C6orf89: variants seen among roughly 807,000 people sequenced by gnomAD.
C6orf89 encodes chromosome 6 open reading frame 89, also known as bombesin receptor-activated protein C6orf89.
In C6orf89, 29 loss-of-function variants were observed where a neutral mutation model predicts 40.7. The ratio of observed to expected loss-of-function variants is 0.71; its 90% CI spans 0.53 to 0.97. The LOEUF (loss-of-function observed/expected upper bound fraction) is 0.97. Ranked by LOEUF, C6orf89 falls within the 50% of genes least tolerant of loss-of-function variation. The pLI, the probability that C6orf89 is intolerant of heterozygous loss-of-function variation, is 0.00. For synonymous variants in C6orf89, 165 were observed against 152.2 expected (o/e 1.08, Z -0.62); for missense variants, 392 against 429.1 (o/e 0.91, Z 0.76).
intron 4 of C6orf89, among the ~76,000 whole-genome samples, chr6:36,910,941 G>GA (rs1762104147): frequency 6.6e-6 from 1 of 152,114 alleles, no homozygotes; most frequent in Non-Finnish European, 1.5e-5. Flanking sequence ...TTATGTATCT[G>GA]AAAATCTGTA....
chr6:36,888,354 G>A (rs12527905), intron 1 of C6orf89, among the ~76,000 whole-genome samples: 7,250 of 152,270 alleles, frequency 0.048, 263 homozygotes, highest in Admixed American at 0.084. Flanking sequence ...ATAAGTGGCC[G>A]AGTGCAGCGG....
chr6:36,912,561 T>C (rs999699385), intron 4 of C6orf89, among the ~76,000 whole-genome samples: 2 of 152,146 alleles, frequency 1.3e-5, no homozygotes, highest in Non-Finnish European at 2.9e-5. Context: ...AAAATGCAAC[T>C]TTGCAGCCTC....
At chr6:36,887,841 C>T (rs998186154) in intron 1 of C6orf89, among the ~76,000 whole-genome samples, 1 of 152,116 alleles carries the variant, frequency 6.6e-6, no homozygotes, top group African/African-American at 2.4e-5. Context: ...CCTCTGCTTC[C>T]CAAGTAGCTG....
rs564750856 is a variant in C6orf89 at position 36,918,626 on chromosome 6, G to C, written c.826-952G>C. 3.1e-3 allele frequency among the ~76,000 whole-genome samples: 467 copies of C among 152,274 alleles called. 2 individuals carry two copies. Among genetic ancestry groups the C allele is most frequent in the African/African-American group, 9.5e-3 (394 of 41,548 alleles). On this transcript the variant is annotated intron_variant, in intron 7 of 8. Coordinates refer to ENST00000480824, the MANE Select transcript of C6orf89 (RefSeq NM_001286635.2). Reference sequence around the variant, plus strand: ...ACATGGCCCAGGGAGTCAGACTTCTGGCTCCCACTTTATATGGGCATATAA... The same window carrying C: ...ACATGGCCCAGGGAGTCAGACTTCTCGCTCCCACTTTATATGGGCATATAA...
intron 1 of C6orf89, among the ~76,000 whole-genome samples, chr6:36,872,722 C>G (rs1470936675): frequency 6.6e-6 from 1 of 152,180 alleles, no homozygotes; most frequent in East Asian, 1.9e-4. Flanking sequence ...ATCCTCTCAC[C>G]TCAGCCTCCT....
At chr6:36,872,374 T>C (rs1774529912) in intron 1 of C6orf89, among the ~76,000 whole-genome samples, 1 of 152,164 alleles carries the variant, frequency 6.6e-6, no homozygotes, top group African/African-American at 2.4e-5. Flanking sequence ...GTATTTTTGA[T>C]CCATGTAAAT....
chr6:36,916,598 GA>G (rs35567953), intron 7 of C6orf89, 24 bp downstream of exon 7: 135,517 of 1,613,384 alleles, frequency 0.084, 6,109 homozygotes, highest in South Asian at 0.1. Context: ...AGAGGACTTG[GA>G]TCTAGAATTT....
At position 36,905,981 on chromosome 6, in the gene C6orf89, C is replaced by T. The variant is rs139643388; in HGVS notation, c.403+3547C>T. On this transcript the variant is annotated intron_variant, in intron 4 of 8. Coordinates refer to ENST00000480824, the MANE Select transcript of C6orf89 (RefSeq NM_001286635.2). Reference sequence around the variant, plus strand: ...CTGCCATCTCTGCCCTCAGTCAAGCCAGGCGCTAGCATGTTCAGCCAATTA... The same window carrying T: ...CTGCCATCTCTGCCCTCAGTCAAGCTAGGCGCTAGCATGTTCAGCCAATTA... 2.4e-3 allele frequency among the ~76,000 whole-genome samples: 366 copies of T among 152,342 alleles called. 1 individual carries two copies. Among genetic ancestry groups the T allele is most frequent in the African/African-American group, 8.5e-3 (354 of 41,582 alleles).
At chr6:36,905,312 C>T (rs920958060) in intron 4 of C6orf89, among the ~76,000 whole-genome samples, 1 of 152,168 alleles carries the variant, frequency 6.6e-6, no homozygotes, top group African/African-American at 2.4e-5. Context: ...AGTCTGAGCC[C>T]TTCGCCTCTG....
intron 7 of C6orf89, 115 bp from the exon 8 acceptor site, chr6:36,919,463 G>A: frequency 7.9e-7 from 1 of 1,273,700 alleles, no homozygotes; most frequent in Non-Finnish European, 1.1e-6. Context: ...TTTCCTCTTT[G>A]CTTATGCTAG....
intron 7 of C6orf89, 91 bp from the exon 8 acceptor site, chr6:36,919,487 A>G: frequency 6.8e-7 from 1 of 1,465,052 alleles, no homozygotes; most frequent in African/African-American, 1.4e-5. Flanking sequence ...ACTCAGAGCC[A>G]TATGTGAAAG....
Position 36,925,257 on chromosome 6 carries a change from G to A in C6orf89, c.*1816G>A, listed in dbSNP as rs972923174. 1.3e-5 allele frequency: 2 copies of A among 152,204 alleles called. No homozygotes were observed. 9.4% of individuals were successfully genotyped at this position (152,204 alleles called of 1,614,324 possible). ...CTGGCTGTACATGGGGAAGGGCTAT[G>A]TGTAAACAAGTGCTTTAGAGGCCTC... is the stretch of plus-strand genomic sequence containing the variant. On this transcript the variant is annotated 3_prime_UTR_variant, in exon 9 of 9. Coordinates refer to ENST00000480824, the MANE Select transcript of C6orf89 (RefSeq NM_001286635.2).
rs942449983 is a variant in C6orf89, at chr6:36,902,273, C to T, written c.242C>T (p.Pro81Leu). ...CTCACTGCCTACTTTGTGATTCAAC[C>T]TTTCAGCCCATTAGCACCTGAGCCA... ...ILLTAYFVIQ[P>L]FSPLAPEPVL... Residue 81 changes from proline to leucine, a missense_variant, in exon 4 of 9, where the codon CCT becomes CTT. Physicochemically the swap from Pro to Leu is moderately conservative, Grantham distance 98. Transcript: ENST00000480824. 6.2e-7 allele frequency: 1 copy of T among 1,614,148 alleles called. No homozygotes were observed. Among genetic ancestry groups the T allele is most frequent in the Non-Finnish European group, 8.5e-7 (1 of 1,180,034 alleles).
chr6:36,871,987 T>C lies in C6orf89; in HGVS notation c.-628+20T>C, dbSNP rs569356508. 2.0e-5 allele frequency: 19 copies of C among 973,044 alleles called. No homozygotes were observed. The East Asian group carries it at 3.5e-4, about 18-fold the overall frequency. 60.3% of individuals were successfully genotyped at this position (973,044 alleles called of 1,614,324 possible). A position where few individuals can be genotyped will look rare whatever the true frequency, so the allele number is the denominator to read the frequency against. ...AAGCTTGTAAGTCATGAAATTGTGA[T>C]AACCACTGGATTTCATGCTCAGCAA... On this transcript the variant is annotated intron_variant, in intron 1 of 9. Coordinates refer to the C6orf89 transcript ENST00000359359.
rs916850132 is a variant in C6orf89 at position 36,874,597 on chromosome 6, G to T, written c.-628+2630G>T. On this transcript the variant is annotated intron_variant, in intron 1 of 9. Coordinates refer to the C6orf89 transcript ENST00000359359. ...CCCTCTGGGGGCCGTCTCGGCCGCT[G>T]CTCCACGCCCCTCCACGTGGAGGCC... 5 of 1,353,202 alleles carry T rather than the reference G, an allele frequency of 3.7e-6. No individual in the cohort carries two copies. The African/African-American group carries it at 4.4e-5, about 12-fold the overall frequency. 83.8% of individuals were successfully genotyped at this position (1,353,202 alleles called of 1,614,324 possible).
chr6:36,872,634 G>C (rs898987233), intron 1 of C6orf89, among the ~76,000 whole-genome samples: 1 of 151,586 alleles, frequency 6.6e-6, no homozygotes, highest in East Asian at 1.9e-4. Context: ...TTTGAGAAAG[G>C]GTCTCCTCTG....
upstream of C6orf89, chr6:36,883,227 GAA>G (rs1415508568): frequency 6.6e-6 from 1 of 152,186 alleles, no homozygotes; most frequent in African/African-American, 2.4e-5. Context: ...CAGAGAAAGA[GAA>G]AGACTGTCCT....
chr6:36,901,335 T>A (rs1015349088), intron 3 of C6orf89, among the ~76,000 whole-genome samples: 5,561 of 58,940 alleles, frequency 0.094, 620 homozygotes, highest in African/African-American at 0.26. Flanking sequence ...TTTTTTTTTT[T>A]TTTTTTTTTT....
At chr6:36,876,748 G>A (rs867093933) in intron 1 of C6orf89, among the ~76,000 whole-genome samples, 145 of 125,768 alleles carry the variant, frequency 1.2e-3, no homozygotes, top group African/African-American at 2.2e-3. Flanking sequence ...AAAAGAAGAA[G>A]AAGAAGAAGA....
Sources: allele counts gnomAD v4.1 joint callset (sites outside exome capture counted in the v4.1 genomes callset), GRCh38; gene constraint gnomAD v4.1.1; transcripts MANE v1.5; gene names NCBI Gene and HGNC (gene_info 2026-07-23, HGNC 2026-07-21).